The following MEGF11 variants were observed in gnomAD, a reference collection of about 807,000 sequenced individuals.
MEGF11 encodes the protein multiple epidermal growth factor-like domains protein 11.
Under a neutral mutation model 146.6 loss-of-function variants are expected in MEGF11, and 126 were observed. The observed-to-expected ratio is 0.86, with a 90% confidence interval of 0.74 to 1.00. MEGF11 has a LOEUF of 1.00. Ranked by LOEUF, MEGF11 falls within the 50% of genes least tolerant of loss-of-function variation. The probability of loss-of-function intolerance (pLI) is 0.00; values close to 1 mark genes in which losing one functional copy is unlikely to be tolerated. For missense variants in MEGF11, 1,509 were observed against 1,521.2 expected (o/e 0.99, Z 0.13); for synonymous variants, 532 against 583.4 (o/e 0.91, Z 1.27).
At chr15:66,006,959 C>T (rs779414335) in intron 5 of MEGF11, among the ~76,000 whole-genome samples, 6 of 152,226 alleles carry the variant, frequency 3.9e-5, no homozygotes, top group Non-Finnish European at 7.3e-5. Flanking sequence ...CCTCCCTCTC[C>T]CTCACCCAGG....
At chr15:66,041,460 A>G (rs1363416210) in intron 5 of MEGF11, among the ~76,000 whole-genome samples, 1 of 152,224 alleles carries the variant, frequency 6.6e-6, no homozygotes, top group Non-Finnish European at 1.5e-5. Context: ...CTCCACAACA[A>G]CTGCCCCCAT....
At chr15:65,899,202 G>C (rs1185541055) in intron 24 of MEGF11, among the ~76,000 whole-genome samples, 1 of 152,186 alleles carries the variant, frequency 6.6e-6, no homozygotes, top group Non-Finnish European at 1.5e-5. Context: ...TGCATAATAT[G>C]CTTTGACATG....
chr15:65,911,681 G>C (rs1207889191), intron 21 of MEGF11, among the ~76,000 whole-genome samples: 3 of 152,224 alleles, frequency 2.0e-5, no homozygotes, highest in Non-Finnish European at 4.4e-5. Flanking sequence ...AAAGTGCTGG[G>C]ATTACAGGCG....
intron 5 of MEGF11, among the ~76,000 whole-genome samples, chr15:65,987,031 C>T (rs960818673): frequency 5.9e-5 from 9 of 152,012 alleles, no homozygotes; most frequent in Non-Finnish European, 1.0e-4. Context: ...TTCTGTTCCT[C>T]GAGGCTGGGC....
chr15:66,124,898 C>T (rs563395900), intron 2 of MEGF11, among the ~76,000 whole-genome samples: 16 of 152,346 alleles, frequency 1.1e-4, no homozygotes, highest in African/African-American at 3.8e-4. Flanking sequence ...GAGAGGACCT[C>T]AGCTGAGATC....
At chr15:66,034,835 G>C (rs973440253) in intron 5 of MEGF11, among the ~76,000 whole-genome samples, 7 of 146,328 alleles carry the variant, frequency 4.8e-5, no homozygotes, top group Admixed American at 2.6e-4. Flanking sequence ...GGATTAATGA[G>C]GGCTCTGCCC....
intron 5 of MEGF11, among the ~76,000 whole-genome samples, chr15:66,058,991 T>C (rs528409024): frequency 1.8e-4 from 28 of 152,226 alleles, no homozygotes; most frequent in African/African-American, 6.3e-4. Context: ...CACTCGGCAA[T>C]TAAAGGGTTG....
chr15:66,217,957 G>A (rs1314802062), intron 1 of MEGF11, among the ~76,000 whole-genome samples: 2 of 152,138 alleles, frequency 1.3e-5, no homozygotes, highest in African/African-American at 4.8e-5. Context: ...TGGGAAATTC[G>A]GTGTCCTGAA....
intron 5 of MEGF11, among the ~76,000 whole-genome samples, chr15:65,993,776 G>A (rs11635670): frequency 0.058 from 8,821 of 152,286 alleles, 310 homozygotes; most frequent in African/African-American, 0.066. Context: ...TGGGGTCCAA[G>A]CCCATTTCCT....
At chr15:65,921,533 A>G (rs905164992) in intron 15 of MEGF11, among the ~76,000 whole-genome samples, 28 of 152,316 alleles carry the variant, frequency 1.8e-4, no homozygotes, top group African/African-American at 6.5e-4. Flanking sequence ...TGCATGGTCC[A>G]TGGAGCCTTC....
intron 3 of MEGF11, among the ~76,000 whole-genome samples, chr15:66,121,479 C>G (rs928353582): frequency 6.6e-6 from 1 of 152,184 alleles, no homozygotes; most frequent in African/African-American, 2.4e-5. Context: ...AAACAACTAC[C>G]TGAAGGCACT....
intron 3 of MEGF11, among the ~76,000 whole-genome samples, chr15:66,122,877 GA>G (rs2088109440): frequency 6.6e-6 from 1 of 152,060 alleles, no homozygotes; most frequent in Non-Finnish European, 1.5e-5. Flanking sequence ...CTGAATGGCG[GA>G]GTTCATGCCA....
At chr15:66,087,470 G>C (rs987137982) in intron 5 of MEGF11, among the ~76,000 whole-genome samples, 1 of 152,136 alleles carries the variant, frequency 6.6e-6, no homozygotes, top group African/African-American at 2.4e-5. Flanking sequence ...ATTACATCAA[G>C]CACTCTCTCA....
chr15:66,093,473 C>T (rs886944053), intron 5 of MEGF11, among the ~76,000 whole-genome samples: 7 of 152,160 alleles, frequency 4.6e-5, no homozygotes, highest in Non-Finnish European at 1.0e-4. Context: ...AATAATCGGG[C>T]TTAGATCCCT....
At chr15:65,988,914 C>T (rs1160920794) in intron 5 of MEGF11, among the ~76,000 whole-genome samples, 1 of 152,176 alleles carries the variant, frequency 6.6e-6, no homozygotes, top group Non-Finnish European at 1.5e-5. Flanking sequence ...GGTGACTGGC[C>T]AGCCCTTCTC....
At chr15:66,156,606 C>A (rs2089768617) in intron 1 of MEGF11, among the ~76,000 whole-genome samples, 1 of 152,024 alleles carries the variant, frequency 6.6e-6, no homozygotes, top group South Asian at 2.1e-4. Flanking sequence ...AAGACTCCTG[C>A]CAGCCCCTTG....
chr15:65,897,679 T>C lies in MEGF11; in HGVS notation c.*255A>G. 3.3e-6 allele frequency: 1 copy of C among 303,606 alleles called. No individual in the cohort carries two copies. Among genetic ancestry groups the C allele is most frequent in the South Asian group, 1.1e-4 (1 of 8,752 alleles). The allele number at this position is 303,606 out of a possible 1,614,324, so 18.8% of individuals were successfully genotyped here. On this transcript the variant is annotated 3_prime_UTR_variant, in exon 26 of 26. Transcript: ENST00000395614. ...TTTAGCTGATGTTGATGAGTAGCTG[T>C]ATCTTAAAATGTTTTAAAAATCATA...
intron 14 of MEGF11, 36 bp downstream of exon 14, chr15:65,922,787 C>G (rs1344604586): frequency 6.2e-7 from 1 of 1,610,624 alleles, no homozygotes; most frequent in Non-Finnish European, 8.5e-7. Flanking sequence ...GAGGATTAGC[C>G]CTCTGAGCTC....
chr15:65,934,274 G>A (rs1245728018), intron 10 of MEGF11, among the ~76,000 whole-genome samples: 4 of 151,982 alleles, frequency 2.6e-5, no homozygotes, highest in East Asian at 3.8e-4. Context: ...TTTTTGAGTC[G>A]GAGTTTCGCT....
Sources: allele counts gnomAD v4.1 joint callset (sites outside exome capture counted in the v4.1 genomes callset), GRCh38; gene constraint gnomAD v4.1.1; transcripts MANE v1.5; gene names NCBI Gene and HGNC (gene_info 2026-07-23, HGNC 2026-07-21).